Variants in TACR3 observed in about 807,000 individuals in gnomAD.
TACR3 encodes neuromedin-K receptor.
In TACR3, 34 loss-of-function variants were observed where a neutral mutation model predicts 35.0. That is an observed-to-expected ratio of 0.97 (90% CI 0.74 to 1.30). The LOEUF (loss-of-function observed/expected upper bound fraction) is 1.30, where lower values mean the gene tolerates loss of function less well. TACR3 is among the 50% of genes most tolerant of loss of function. The probability of loss-of-function intolerance (pLI) is 0.00; values close to 1 mark genes in which losing one functional copy is unlikely to be tolerated. For missense variants in TACR3, 558 were observed against 591.7 expected (o/e 0.94, Z 0.59); for synonymous variants, 233 against 221.1 (o/e 1.05, Z -0.48).
intron 1 of TACR3, among the ~76,000 whole-genome samples, chr4:103,677,162 C>T (rs1015315534): frequency 6.6e-6 from 1 of 152,064 alleles, no homozygotes; most frequent in Non-Finnish European, 1.5e-5. Context: ...CAATGAGATA[C>T]CGTCTCACAC....
intron 1 of TACR3, among the ~76,000 whole-genome samples, chr4:103,675,491 G>A (rs995265101): frequency 3.9e-5 from 6 of 152,150 alleles, no homozygotes; most frequent in African/African-American, 1.4e-4. Context: ...TAATGAAGAG[G>A]ACATTTACAA....
chr4:103,715,079 A>T (rs535529125), intron 1 of TACR3, among the ~76,000 whole-genome samples: 1 of 152,200 alleles, frequency 6.6e-6, no homozygotes, highest in Non-Finnish European at 1.5e-5. Context: ...TATTCATGTA[A>T]GGTATGCCAC....
Position 103,658,348 on chromosome 4 carries a change from T to C in TACR3, c.604A>G (p.Ile202Val), listed in dbSNP as rs771252157. ...KPRLSATATKIVIGSIWILAF... is the reference protein window; with the variant it reads ...KPRLSATATKVVIGSIWILAF... ...AGAATCCAAATACTTCCAATGACAA[T>C]CTTGGTTGCTGTAGCAGACAGTCTG... Residue 202 changes from isoleucine to valine, a missense_variant, in exon 2 of 5, where the codon ATT becomes GTT. Coordinates refer to ENST00000304883, the MANE Select transcript of TACR3 (RefSeq NM_001059.3). 1.9e-6 allele frequency: 3 copies of C among 1,613,734 alleles called. No individual in the cohort carries two copies. Among genetic ancestry groups the C allele is most frequent in the East Asian group, 2.2e-5 (1 of 44,822 alleles).
At chr4:103,655,345 A>G (rs1046752754) in intron 3 of TACR3, among the ~76,000 whole-genome samples, 1 of 152,148 alleles carries the variant, frequency 6.6e-6, no homozygotes, top group Admixed American at 6.6e-5. Flanking sequence ...TACTGTGTAA[A>G]TAAGTCATAA....
intron 1 of TACR3, among the ~76,000 whole-genome samples, chr4:103,698,040 A>G (rs1216306334): frequency 6.6e-6 from 1 of 152,142 alleles, no homozygotes; most frequent in East Asian, 1.9e-4. Flanking sequence ...CTATTGTTTG[A>G]TTCTGAAATA....
intron 3 of TACR3, among the ~76,000 whole-genome samples, chr4:103,629,388 AC>A (rs1365400463): frequency 1.3e-5 from 2 of 152,036 alleles, no homozygotes; most frequent in Non-Finnish European, 2.9e-5. Flanking sequence ...TATCTAGAAA[AC>A]CCCATTGTCT....
At chr4:103,662,550 C>A (rs1725855008) in intron 1 of TACR3, among the ~76,000 whole-genome samples, 1 of 152,002 alleles carries the variant, frequency 6.6e-6, no homozygotes, top group Admixed American at 6.6e-5. Context: ...TGAATTGTGA[C>A]CCTCCAAAAA....
rs534304186 is a variant in TACR3 at position 103,603,989 on chromosome 4, C to G, written c.889-12306G>C. ...CCCAAAGTAATTTATAGATTCAATG[C>G]TATCCCCATCAACTACCATTGACTT... On this transcript the variant is annotated intron_variant, in intron 3 of 4. Transcript: ENST00000304883. Among the ~76,000 whole-genome samples the G allele has an allele frequency of 4.3e-4, 66 of 152,302 alleles. 1 individual carries two copies. In the South Asian group the frequency reaches 0.013, roughly 31 times the overall value.
chr4:103,599,836 G>C (rs561343958), intron 3 of TACR3, among the ~76,000 whole-genome samples: 7 of 152,240 alleles, frequency 4.6e-5, no homozygotes, highest in African/African-American at 1.7e-4. Context: ...ACTTTTTGAT[G>C]TGCTGCTGGA....
At chr4:103,599,938 G>C (rs36148493) in intron 3 of TACR3, among the ~76,000 whole-genome samples, 1 of 151,896 alleles carries the variant, frequency 6.6e-6, no homozygotes, top group Non-Finnish European at 1.5e-5. Context: ...TGTCTCTGCT[G>C]GGCTTTGGTA....
In TACR3 at chr4:103,599,093, A is replaced by C. The variant is rs534385553; in HGVS notation, c.889-7410T>G. Among the ~76,000 whole-genome samples the C allele has an allele frequency of 2.1e-4, 32 of 152,296 alleles. No individual in the cohort carries two copies. In the South Asian group the frequency reaches 4.6e-3, roughly 22 times the overall value. On this transcript the variant is annotated intron_variant, in intron 3 of 4. Transcript: ENST00000304883. ...GATTCTTCCTACCCATGAACATGGA[A>C]TGTTCTTCCATTTGTTTGTATCCTC...
chr4:103,619,325 G>C (rs980955319), intron 3 of TACR3, among the ~76,000 whole-genome samples: 6 of 152,114 alleles, frequency 3.9e-5, no homozygotes, highest in African/African-American at 1.4e-4. Flanking sequence ...GAGTAGCTGG[G>C]ATTGCAGACA....
At chr4:103,608,556 A>T (rs977756731) in intron 3 of TACR3, among the ~76,000 whole-genome samples, 1 of 152,122 alleles carries the variant, frequency 6.6e-6, no homozygotes, top group Non-Finnish European at 1.5e-5. Context: ...TCTGAAATAA[A>T]AAAAGAATTA....
chr4:103,616,561 G>A (rs1474645995), intron 3 of TACR3, among the ~76,000 whole-genome samples: 4 of 151,956 alleles, frequency 2.6e-5, no homozygotes, highest in African/African-American at 9.7e-5. Context: ...TTTCCCAGGT[G>A]TATGCTTAAA....
intron 1 of TACR3, among the ~76,000 whole-genome samples, chr4:103,689,549 A>T (rs1722352103): frequency 6.6e-6 from 1 of 152,144 alleles, no homozygotes; most frequent in South Asian, 2.1e-4. Flanking sequence ...CAACAACAAC[A>T]ACAATAAAAC....
intron 1 of TACR3, among the ~76,000 whole-genome samples, chr4:103,694,359 G>T (rs1054665897): frequency 6.9e-6 from 1 of 144,212 alleles, no homozygotes; most frequent in South Asian, 2.1e-4. Flanking sequence ...ATTACTTCAT[G>T]GTAGTTAGTC....
Position 103,656,176 on chromosome 4 carries a change from A to G in TACR3, c.888+18T>C, listed in dbSNP as rs753461244. The G allele has an allele frequency of 6.2e-7, 1 of 1,612,542 alleles. No homozygotes were observed. The highest frequency in any genetic ancestry group is 2.2e-5 in the East Asian group (1 of 44,784). ...CCATAACCTATACAAATGCTAGGTA[A>G]ACAACATGGACCAGTACCTTTCTTT... On this transcript the variant is annotated intron_variant, in intron 3 of 4. Transcript: ENST00000304883.
In TACR3 at chr4:103,657,961, C is replaced by T. The variant is rs569347875; in HGVS notation, c.737+254G>A. On this transcript the variant is annotated intron_variant, in intron 2 of 4. Transcript: ENST00000304883. ...TGCACATTGCTTTTATCTTTTATCA[C>T]TTCCTTCAGGAAACTCTCCAGTGCC... Among the ~76,000 whole-genome samples, 67 of 152,274 alleles carry T rather than the reference C, an allele frequency of 4.4e-4. 1 individual carries two copies. Among genetic ancestry groups the T allele is most frequent in the Middle Eastern group, 6.8e-3 (2 of 294 alleles).
chr4:103,651,657 G>C (rs1479712583), intron 3 of TACR3, among the ~76,000 whole-genome samples: 2 of 151,810 alleles, frequency 1.3e-5, no homozygotes, highest in South Asian at 4.1e-4. Context: ...TCAAGCAGAA[G>C]GTGTTTTTCC....
Sources: gnomAD v4.1 joint callset for allele counts (sites outside exome capture counted in the v4.1 genomes callset) on GRCh38, gnomAD v4.1.1 for gene constraint, MANE v1.5 for transcripts, NCBI Gene and HGNC (gene_info 2026-07-23, HGNC 2026-07-21) for gene names.